SOX6: variants seen among roughly 807,000 people sequenced by gnomAD.
The protein encoded by SOX6 is transcription factor SOX-6.
Under a neutral mutation model 97.8 loss-of-function variants are expected in SOX6, and 11 were observed. The ratio of observed to expected loss-of-function variants is 0.11; its 90% CI spans 0.07 to 0.19. The LOEUF (loss-of-function observed/expected upper bound fraction) is 0.19. Among genes scored for constraint, SOX6 ranks in the 10% least tolerant of loss-of-function variants. SOX6 has a pLI of 1.00. For missense variants in SOX6, 810 were observed against 1,039.5 expected (o/e 0.78, Z 3.04); for synonymous variants, 360 against 371.4 (o/e 0.97, Z 0.35).
chr11:16,448,175 G>T (rs552353290), intron 1 of SOX6, among the ~76,000 whole-genome samples: 137 of 152,270 alleles, frequency 9.0e-4, no homozygotes, highest in African/African-American at 3.2e-3. Context: ...TTTTTCACTT[G>T]GTTGGTGGGC....
At chr11:16,672,964 A>G (rs891286257) in intron 3 of SOX6, among the ~76,000 whole-genome samples, 1 of 151,988 alleles carries the variant, frequency 6.6e-6, no homozygotes, top group African/African-American at 2.4e-5. Flanking sequence ...GTTCAATTCA[A>G]CAAGAAGATC....
chr11:16,597,137 T>C (rs2133975569), intron 4 of SOX6, among the ~76,000 whole-genome samples: 1 of 152,218 alleles, frequency 6.6e-6, no homozygotes, highest in South Asian at 2.1e-4. Flanking sequence ...CCACATACCT[T>C]TTATTGAATG....
At chr11:16,262,345 T>C (rs1853928021) in intron 3 of SOX6, among the ~76,000 whole-genome samples, 1 of 152,002 alleles carries the variant, frequency 6.6e-6, no homozygotes, top group South Asian at 2.1e-4. Flanking sequence ...GTAAAATATA[T>C]AAACACAGAC....
intron 3 of SOX6, among the ~76,000 whole-genome samples, chr11:16,621,789 A>G (rs1848548857): frequency 6.6e-6 from 1 of 152,192 alleles, no homozygotes; most frequent in Non-Finnish European, 1.5e-5. Context: ...TGTATTTACA[A>G]TTGAGAAAAT....
At chr11:16,229,500 G>A (rs1280246351) in intron 4 of SOX6, among the ~76,000 whole-genome samples, 1 of 151,852 alleles carries the variant, frequency 6.6e-6, no homozygotes, top group Non-Finnish European at 1.5e-5. Flanking sequence ...GATTATTGGG[G>A]GAGGTAGAGC....
chr11:16,602,954 G>A (rs1279863446), intron 4 of SOX6, among the ~76,000 whole-genome samples: 3 of 152,080 alleles, frequency 2.0e-5, no homozygotes, highest in Admixed American at 6.5e-5. Context: ...CCAGGAGGCG[G>A]AGGTTACAGT....
chr11:16,588,561 A>G (rs1468114885), intron 4 of SOX6, among the ~76,000 whole-genome samples: 1 of 152,116 alleles, frequency 6.6e-6, no homozygotes, highest in African/African-American at 2.4e-5. Flanking sequence ...AACAACAAAG[A>G]GCCCCAGACA....
At chr11:16,657,364 T>C (rs1847731017) in intron 3 of SOX6, among the ~76,000 whole-genome samples, 1 of 152,254 alleles carries the variant, frequency 6.6e-6, no homozygotes, top group South Asian at 2.1e-4. Flanking sequence ...CAGGATATCT[T>C]GATTTCTTCC....
intron 3 of SOX6, among the ~76,000 whole-genome samples, chr11:16,290,000 A>T (rs1357006561): frequency 6.6e-6 from 1 of 152,072 alleles, no homozygotes; most frequent in African/African-American, 2.4e-5. Context: ...TAATATTAAT[A>T]AAGCAAAAAA....
chr11:16,163,018 A>T (rs1850792991), intron 6 of SOX6, among the ~76,000 whole-genome samples: 1 of 152,126 alleles, frequency 6.6e-6, no homozygotes, highest in Non-Finnish European at 1.5e-5. Flanking sequence ...GATGAGAGAG[A>T]CAAGATAATA....
intron 1 of SOX6, among the ~76,000 whole-genome samples, chr11:16,457,580 G>A (rs771314296): frequency 1.3e-5 from 2 of 152,032 alleles, no homozygotes; most frequent in African/African-American, 4.8e-5. Flanking sequence ...CTCAGGCCAC[G>A]TAATTTGATC....
chr11:16,170,693 T>C (rs1365950537), intron 6 of SOX6, among the ~76,000 whole-genome samples: 1 of 152,012 alleles, frequency 6.6e-6, no homozygotes, highest in Non-Finnish European at 1.5e-5. Flanking sequence ...ACATGTTCTG[T>C]CAAGGTGGAG....
At chr11:16,074,605 T>C (rs1313927417) in intron 9 of SOX6, among the ~76,000 whole-genome samples, 1 of 152,032 alleles carries the variant, frequency 6.6e-6, no homozygotes, top group African/African-American at 2.4e-5. Context: ...CTTAATCACA[T>C]GCACAATAGC....
At chr11:16,437,276 T>C (rs1170841981) in intron 1 of SOX6, among the ~76,000 whole-genome samples, 1 of 151,290 alleles carries the variant, frequency 6.6e-6, no homozygotes, top group Non-Finnish European at 1.5e-5. Flanking sequence ...CTCTATTTTT[T>C]TTTTTTAAAA....
chr11:16,584,258 G>C (rs1848067937), intron 4 of SOX6, among the ~76,000 whole-genome samples: 1 of 152,074 alleles, frequency 6.6e-6, no homozygotes, highest in Non-Finnish European at 1.5e-5. Flanking sequence ...CCACAAAAAA[G>C]GGAACTGGAA....
intron 3 of SOX6, chr11:16,312,774 T>C (rs924901290): frequency 6.6e-6 from 1 of 152,192 alleles, no homozygotes; most frequent in Non-Finnish European, 1.5e-5. Context: ...CTGTCGCTTA[T>C]GTTAGAGCCC....
intron 9 of SOX6, among the ~76,000 whole-genome samples, chr11:16,062,553 A>G (rs1340021408): frequency 6.6e-6 from 1 of 151,704 alleles, no homozygotes; most frequent in African/African-American, 2.4e-5. Context: ...TTAGGTGAAG[A>G]CTGTTTCAGC....
At chr11:16,108,958 A>C (rs1849162356) in intron 7 of SOX6, among the ~76,000 whole-genome samples, 1 of 152,172 alleles carries the variant, frequency 6.6e-6, no homozygotes. Flanking sequence ...CTGGAAATTA[A>C]GATAATTATT....
At chr11:16,534,285 C>G (rs1309116763) in intron 4 of SOX6, among the ~76,000 whole-genome samples, 2 of 152,066 alleles carry the variant, frequency 1.3e-5, no homozygotes, top group Non-Finnish European at 2.9e-5. Flanking sequence ...ACCTTGAAAA[C>G]TTTAAAAACC....
Sources: gnomAD v4.1 joint callset for allele counts (sites outside exome capture counted in the v4.1 genomes callset) on GRCh38, gnomAD v4.1.1 for gene constraint, MANE v1.5 for transcripts, NCBI Gene and HGNC (gene_info 2026-07-23, HGNC 2026-07-21) for gene names.